Variants in KHDRBS2 observed in about 807,000 individuals in gnomAD.
KHDRBS2 encodes the protein KH RNA binding domain containing, signal transduction associated 2.
KHDRBS2 carries 26 observed loss-of-function variants against 44.3 expected under a neutral mutation model. That is an observed-to-expected ratio of 0.59 (90% CI 0.43 to 0.81). KHDRBS2 has a LOEUF of 0.81. Among genes scored for constraint, KHDRBS2 ranks in the 40% least tolerant of loss-of-function variants. The pLI is 0.00. For synonymous variants in KHDRBS2, 194 were observed against 151.1 expected (o/e 1.28, Z -2.08); for missense variants, 476 against 433.1 (o/e 1.10, Z -0.88).
At chr6:61,923,570 A>G (rs1305538432) in intron 4 of KHDRBS2, among the ~76,000 whole-genome samples, 2 of 152,162 alleles carry the variant, frequency 1.3e-5, no homozygotes, top group Non-Finnish European at 2.9e-5. Flanking sequence ...TTAAAAATGA[A>G]AAACCACATA....
Position 61,797,725 on chromosome 6 carries a change from TTGTGTGTG to T in KHDRBS2, c.811-64969_811-64962del, listed in dbSNP as rs56038952. On this transcript the variant is annotated intron_variant, in intron 6 of 8. Coordinates refer to ENST00000281156, the MANE Select transcript of KHDRBS2 (RefSeq NM_152688.4). ...ACTGATACTGTGTCAGTATGGTGTTTTGTGTGTGTGTGTGTGTGTGTGTGTGTGTGTGT... is the reference window on the plus strand; with the variant it reads ...ACTGATACTGTGTCAGTATGGTGTTTTGTGTGTGTGTGTGTGTGTGTGTGT... Among the ~76,000 whole-genome samples, 825 of 114,786 alleles carry T rather than the reference TTGTGTGTG, an allele frequency of 7.2e-3. 8 individuals are homozygous for T. Among genetic ancestry groups the T allele is most frequent in the Admixed American group, 0.035 (397 of 11,384 alleles). 75.3% of individuals were successfully genotyped at this position (114,786 alleles called of 152,430 possible).
chr6:62,280,983 C>T (rs935066361), intron 1 of KHDRBS2, among the ~76,000 whole-genome samples: 2 of 152,092 alleles, frequency 1.3e-5, no homozygotes, highest in African/African-American at 2.4e-5. Flanking sequence ...TATCCATTTC[C>T]TCCAATAAAA....
chr6:62,122,268 C>G (rs1350728705), intron 2 of KHDRBS2, among the ~76,000 whole-genome samples: 1 of 152,098 alleles, frequency 6.6e-6, no homozygotes, highest in Non-Finnish European at 1.5e-5. Context: ...GATTTTGGAG[C>G]AGGGCCCTGC....
chr6:62,060,731 C>T (rs2127325707), intron 2 of KHDRBS2, among the ~76,000 whole-genome samples: 1 of 151,120 alleles, frequency 6.6e-6, no homozygotes, highest in South Asian at 2.1e-4. Context: ...CCCAAAAATC[C>T]CACTTGGCAT....
At chr6:62,217,850 ATGAT>A (rs895090442) in intron 1 of KHDRBS2, among the ~76,000 whole-genome samples, 73 of 152,026 alleles carry the variant, frequency 4.8e-4, no homozygotes, top group African/African-American at 1.5e-3. Context: ...TTTTAAATTA[ATGAT>A]TGATTGACAC....
intron 8 of KHDRBS2, among the ~76,000 whole-genome samples, chr6:61,694,843 G>A (rs985954635): frequency 3.3e-5 from 5 of 152,104 alleles, no homozygotes; most frequent in Admixed American, 1.3e-4. Flanking sequence ...GTGCAGACTT[G>A]TTCATCACTT....
At chr6:61,801,696 T>G (rs1259779615) in intron 6 of KHDRBS2, among the ~76,000 whole-genome samples, 1 of 152,160 alleles carries the variant, frequency 6.6e-6, no homozygotes, top group Non-Finnish European at 1.5e-5. Flanking sequence ...TGTTTATATA[T>G]TCCAGGAGGT....
At chr6:61,773,323 G>C (rs1398440172) in intron 6 of KHDRBS2, among the ~76,000 whole-genome samples, 1 of 152,026 alleles carries the variant, frequency 6.6e-6, no homozygotes, top group African/African-American at 2.4e-5. Flanking sequence ...ACTTTTTAAT[G>C]ATCGCCATTC....
At chr6:61,838,345 A>G (rs963536873) in intron 6 of KHDRBS2, among the ~76,000 whole-genome samples, 2 of 152,044 alleles carry the variant, frequency 1.3e-5, no homozygotes, top group African/African-American at 4.8e-5. Flanking sequence ...GGCCAAAGAC[A>G]TAAGAAAATT....
At chr6:61,561,595 A>G in the KHDRBS2 span, among the ~76,000 whole-genome samples, 1 of 152,066 alleles carries the variant, frequency 6.6e-6, no homozygotes, top group Non-Finnish European at 1.5e-5. Flanking sequence ...TTCCCTTTCC[A>G]CAGGGAGAGG....
intron 1 of KHDRBS2, among the ~76,000 whole-genome samples, chr6:62,217,596 G>C (rs1419585509): frequency 1.3e-5 from 2 of 151,762 alleles, no homozygotes; most frequent in African/African-American, 4.8e-5. Context: ...AGAGTACTTG[G>C]AGATAGGCTT....
At chr6:62,241,213 A>G (rs750690706) in intron 1 of KHDRBS2, among the ~76,000 whole-genome samples, 1 of 152,180 alleles carries the variant, frequency 6.6e-6, no homozygotes, top group Non-Finnish European at 1.5e-5. Flanking sequence ...GCTCCTTAGT[A>G]TATTTGTGGT....
At chr6:62,212,045 C>T (rs946280256) in intron 1 of KHDRBS2, among the ~76,000 whole-genome samples, 4 of 152,094 alleles carry the variant, frequency 2.6e-5, no homozygotes, top group African/African-American at 9.7e-5. Context: ...CCTTAGCAAA[C>T]TAATGCAGGA....
At chr6:62,074,747 T>C (rs1795992524) in intron 2 of KHDRBS2, among the ~76,000 whole-genome samples, 1 of 151,894 alleles carries the variant, frequency 6.6e-6, no homozygotes, top group African/African-American at 2.4e-5. Flanking sequence ...CCTCCTTCTA[T>C]AACTGCTATT....
At chr6:61,655,955 C>A in the KHDRBS2 span, among the ~76,000 whole-genome samples, 3,735 of 152,050 alleles carry the variant, frequency 0.025, 70 homozygotes, top group Middle Eastern at 0.082. Flanking sequence ...AAGTTTGGGC[C>A]CCATCTGTGT....
chr6:61,955,031 T>TGTATACACACACACATATAC (rs1292755117), intron 4 of KHDRBS2, among the ~76,000 whole-genome samples: 2 of 140,706 alleles, frequency 1.4e-5, no homozygotes, highest in African/African-American at 2.6e-5. Context: ...CATACATATA[T>TGTATACACACACACATATAC]ACATACATGT....
At chr6:61,922,898 T>A (rs1245267530) in intron 4 of KHDRBS2, among the ~76,000 whole-genome samples, 1 of 152,118 alleles carries the variant, frequency 6.6e-6, no homozygotes, top group Non-Finnish European at 1.5e-5. Flanking sequence ...TGGTAATCAA[T>A]TCAGAATCAC....
intron 4 of KHDRBS2, among the ~76,000 whole-genome samples, chr6:61,935,835 G>A (rs1810919573): frequency 6.6e-6 from 1 of 151,916 alleles, no homozygotes; most frequent in Non-Finnish European, 1.5e-5. Flanking sequence ...TCTTTATTTT[G>A]GGAAACAAAA....
At chr6:61,956,202 C>A (rs1392195504) in intron 4 of KHDRBS2, among the ~76,000 whole-genome samples, 3 of 142,736 alleles carry the variant, frequency 2.1e-5, no homozygotes. Context: ...CAAAAAAAAA[C>A]AAAAACAAAA....
Sources: allele counts gnomAD v4.1 joint callset (sites outside exome capture counted in the v4.1 genomes callset), GRCh38; gene constraint gnomAD v4.1.1; transcripts MANE v1.5; gene names NCBI Gene and HGNC (gene_info 2026-07-23, HGNC 2026-07-21).